The following MKI67 variants were observed in gnomAD, a reference collection of about 807,000 sequenced individuals.
MKI67 encodes marker of proliferation Ki-67.
A neutral mutation model predicts 233.5 loss-of-function variants in MKI67; 152 were observed. The observed-to-expected ratio is 0.65, with a 90% confidence interval of 0.57 to 0.74. The LOEUF (loss-of-function observed/expected upper bound fraction) is 0.74. Ranked by LOEUF, MKI67 falls within the 30% of genes least tolerant of loss-of-function variation. MKI67 has a pLI of 0.00. For missense variants in MKI67, 3,940 were observed against 3,885.2 expected, an observed-to-expected ratio of 1.01 and a Z score of -0.37; for synonymous variants, 1,465 against 1,418.5, an observed-to-expected ratio of 1.03 and a Z score of -0.74.
Position 128,105,237 on chromosome 10 carries a change from G to C in MKI67, c.6603C>G (p.Phe2201Leu), listed in dbSNP as rs765712515. Reference sequence around the variant, plus strand: ...GCTTGTCAGTGCATATTGGTGTCTGGAAGAGCTCTTTCAAGCCAGCCAAGT... The same window carrying C: ...GCTTGTCAGTGCATATTGGTGTCTGCAAGAGCTCTTTCAAGCCAGCCAAGT... ...LEDLAGLKEL[F>L]QTPICTDKPT... Residue 2201 changes from phenylalanine to leucine, a missense_variant, in exon 13 of 15, where the codon TTC becomes TTG. Physicochemically the swap from Phe to Leu is conservative, Grantham distance 22. Transcript: ENST00000368654. The C allele has an allele frequency of 9.9e-6, 16 of 1,613,974 alleles. No homozygotes were observed. In the South Asian group the frequency reaches 1.6e-4, roughly 17 times the overall value.
rs760044635 is a variant in MKI67, at chr10:128,106,030, C to T, written c.5810G>A (p.Ser1937Asn). The change falls in exon 13 of 15, where the codon AGC becomes AAC. Residue 1937 changes from serine (S) to asparagine (N), a missense_variant. Transcript: ENST00000368654. ...TTTAGGAGTTTGTGGCCGTCTCTTG[C>T]TGCCAGGTAAATTTCCTAGCAGGTC... ...KLDLLGNLPGSKRRPQTPKEK... is the reference protein window; with the variant it reads ...KLDLLGNLPGNKRRPQTPKEK... The T allele has an allele frequency of 1.4e-4, 226 of 1,614,162 alleles. No homozygotes were observed. Among genetic ancestry groups the T allele is most frequent in the South Asian group, 3.4e-4 (31 of 91,082 alleles).
In MKI67 at chr10:128,110,700, T is replaced by G. The variant is rs568709791; in HGVS notation, c.2261-167A>C. Among the ~76,000 whole-genome samples, 10 of 152,364 alleles carry G rather than the reference T, an allele frequency of 6.6e-5. No homozygotes were observed. In the South Asian group the frequency reaches 1.2e-3, roughly 19 times the overall value. On this transcript the variant is annotated intron_variant, in intron 11 of 14. Transcript: ENST00000368654. ...AAGAGTGATTCCATTAATAATGTACTCATTTTGTAAAAAAGAGAGCACAGA... is the reference window on the plus strand; with the variant it reads ...AAGAGTGATTCCATTAATAATGTACGCATTTTGTAAAAAAGAGAGCACAGA...
At chr10:128,120,510 A>T (rs1033338528) in intron 4 of MKI67, among the ~76,000 whole-genome samples, 3 of 152,102 alleles carry the variant, frequency 2.0e-5, no homozygotes, top group African/African-American at 7.2e-5. Context: ...ACAAACAAAC[A>T]AACAAAAAGA....
chr10:128,119,298 C>A lies in MKI67; in HGVS notation c.309G>T (p.Gln103His). The A allele has an allele frequency of 1.2e-6, 2 of 1,606,468 alleles. No homozygotes were observed. Among genetic ancestry groups the A allele is most frequent in the Non-Finnish European group, 1.7e-6 (2 of 1,173,440 alleles). The change falls in exon 5 of 15, where the codon CAG becomes CAT. Residue 103 changes from glutamine to histidine, a missense_variant. Physicochemically the swap from Gln to His is conservative, Grantham distance 24. Coordinates refer to ENST00000368654, the MANE Select transcript of MKI67 (RefSeq NM_002417.5). ...RSFRYENESLQNGRKSTEFPR... is the reference protein window; with the variant it reads ...RSFRYENESLHNGRKSTEFPR... ...GAAATTCAGTTGACTTCCTTCCATT[C>A]TGAAGACTTTCATTTTCATACCTGC...
At position 128,125,304 on chromosome 10, in the gene MKI67, G is replaced by T. The variant is rs914269145; in HGVS notation, c.92+272C>A. ...CTGCCTGCAGCCAGTGACATATGAA[G>T]ATCATCTACATCTTTCTTTACCGCA... is the stretch of plus-strand genomic sequence containing the variant. On this transcript the variant is annotated intron_variant, in intron 2 of 14. Transcript: ENST00000368654. This position sits in a 1 kb window ranked among gnomAD's most constrained non-coding sequence, Gnocchi z 5.3. 6.6e-6 allele frequency among the ~76,000 whole-genome samples: 1 copy of T among 152,142 alleles called. No homozygotes were observed. Among genetic ancestry groups the T allele is most frequent in the Non-Finnish European group, 1.5e-5 (1 of 68,022 alleles).
Position 128,114,973 on chromosome 10 carries a change from G to A in MKI67, c.1435C>T (p.Pro479Ser), listed in dbSNP as rs774429989. 1.1e-5 allele frequency: 18 copies of A among 1,590,434 alleles called. No individual in the cohort carries two copies. The South Asian group carries it at 2.0e-4, about 18-fold the overall frequency. Residue 479 changes from proline (P) to serine (S), a missense_variant, in exon 7 of 15, where the codon CCT becomes TCT. Coordinates refer to ENST00000368654, the MANE Select transcript of MKI67 (RefSeq NM_002417.5). The part of the protein sequence containing the change: ...TTAGQMCSGL[P>S]GLSSVDINNF... Reference sequence around the variant, plus strand: ...TTGATATCAACTGAACTAAGACCAGGTAACCCAGAGCACATCTGTCCAGCT... The same window carrying A: ...TTGATATCAACTGAACTAAGACCAGATAACCCAGAGCACATCTGTCCAGCT...
In MKI67 at chr10:128,112,373, C is replaced by T. The variant is rs1167658826; in HGVS notation, c.1729G>A (p.Val577Ile). The part of the protein sequence containing the change: ...IHVEVKAQSL[V>I]ISPPAPSPRK... ...GGACTAGGAGCTGGAGGGCTTATAA[C>T]CAAGCTTTGTGCCTTCACTTCCACA... The change falls in exon 9 of 15, where the codon GTT (valine) becomes ATT (isoleucine). Residue 577 changes from valine to isoleucine, a missense_variant. Val to Ile is a conservative substitution (Grantham distance 29). Transcript: ENST00000368654. 1 of 1,614,182 alleles carries T rather than the reference C, an allele frequency of 6.2e-7. No individual in the cohort carries two copies. Among genetic ancestry groups the T allele is most frequent in the South Asian group, 1.1e-5 (1 of 91,090 alleles).
intron 14 of MKI67, among the ~76,000 whole-genome samples, chr10:128,100,055 TG>T (rs1852303449): frequency 6.6e-6 from 1 of 152,232 alleles, no homozygotes; most frequent in South Asian, 2.1e-4. Context: ...TGCGTTTTAT[TG>T]TAAGACTCGA....
chr10:128,124,374 T>G (rs756124347), intron 2 of MKI67, among the ~76,000 whole-genome samples: 1 of 152,202 alleles, frequency 6.6e-6, no homozygotes, highest in Non-Finnish European at 1.5e-5. Flanking sequence ...TTCTGTATTG[T>G]GGGGGCTGCC....
intron 4 of MKI67, among the ~76,000 whole-genome samples, chr10:128,122,644 G>T (rs973760890): frequency 6.6e-6 from 1 of 152,100 alleles, no homozygotes; most frequent in Non-Finnish European, 1.5e-5. Flanking sequence ...TTAGGACAAG[G>T]TCAACCTCCC....
rs1424623224 is a variant in MKI67, at chr10:128,105,391, G to A, written c.6449C>T (p.Pro2150Leu). The change falls in exon 13 of 15, where the codon CCA (proline) becomes CTA (leucine). Residue 2150 changes from proline to leucine, a missense_variant. Transcript: ENST00000368654. ...LTQTTHTDKV[P>L]GDEDKGINVF... is the part of the protein sequence containing the mutation. Reference sequence around the variant, plus strand: ...GTTGATGCCTTTATCCTCATCTCCTGGTACTTTGTCTGTGTGTGTGGTCTG... The same window carrying A: ...GTTGATGCCTTTATCCTCATCTCCTAGTACTTTGTCTGTGTGTGTGGTCTG... 1.2e-6 allele frequency: 2 copies of A among 1,614,124 alleles called. No individual in the cohort carries two copies. The highest frequency in any genetic ancestry group is 2.2e-5 in the South Asian group (2 of 91,086).
In MKI67 at chr10:128,105,898, C is replaced by T; in HGVS notation, c.5942G>A (p.Cys1981Tyr). 1 of 1,613,838 alleles carries T rather than the reference C, an allele frequency of 6.2e-7. No homozygotes were observed. The highest frequency in any genetic ancestry group is 2.2e-5 in the East Asian group (1 of 44,850). Residue 1981 changes from cysteine to tyrosine, a missense_variant, in exon 13 of 15, where the codon TGC (cysteine) becomes TAC (tyrosine). Transcript: ENST00000368654. Reference sequence around the variant, plus strand: ...GACTGGGTCTGGTTGTGGAGATTTGCAGGATACTTCTGTGATTTTGTCATC... The same window carrying T: ...GACTGGGTCTGGTTGTGGAGATTTGTAGGATACTTCTGTGATTTTGTCATC... ...MTDDKITEVS[C>Y]KSPQPDPVKT...
Position 128,125,493 on chromosome 10 carries a change from A to G in MKI67, c.92+83T>C. On this transcript the variant is annotated intron_variant, in intron 2 of 14. Coordinates refer to ENST00000368654, the MANE Select transcript of MKI67 (RefSeq NM_002417.5). This position sits in a 1 kb window ranked among gnomAD's most constrained non-coding sequence, Gnocchi z 5.3. ...AAGTGACGGCAGGACCCAATCCTAG[A>G]GCGCGTTTCTGGACTTTATTCTGTG... The G allele has an allele frequency of 9.4e-7, 1 of 1,062,292 alleles. No individual in the cohort carries two copies. The allele number at this position is 1,062,292 out of a possible 1,614,324, so 65.8% of individuals were successfully genotyped here. A position where few individuals can be genotyped will look rare whatever the true frequency, so the allele number is the denominator to read the frequency against.
Position 128,106,486 on chromosome 10 carries a change from G to T in MKI67, c.5354C>A (p.Pro1785His). 1 of 1,613,728 alleles carries T rather than the reference G, an allele frequency of 6.2e-7. No individual in the cohort carries two copies. Among genetic ancestry groups the T allele is most frequent in the Admixed American group, 1.7e-5 (1 of 59,964 alleles). ...TPSAGKAMHT[P>H]KPAVGEEKDI... ...TTTCTCTTCACCTACTGCTGGTTTG[G>T]GTGTGTGCATGGCTTTGCCTGCTGA... is the stretch of plus-strand genomic sequence containing the variant. Residue 1785 changes from proline (P) to histidine (H), a missense_variant, in exon 13 of 15, where the codon CCC becomes CAC. Pro to His is a moderately conservative substitution (Grantham distance 77). Transcript: ENST00000368654.
At chr10:128,113,207 T>TC (rs11397624) in intron 8 of MKI67, among the ~76,000 whole-genome samples, 35,918 of 152,012 alleles carry the variant, frequency 0.24, 4,433 homozygotes, top group Admixed American at 0.29. Flanking sequence ...CATCAAGGAC[T>TC]CCCCCGACTC....
At position 128,102,650 on chromosome 10, in the gene MKI67, C is replaced by A; in HGVS notation, c.9190G>T (p.Glu3064Ter). The A allele has an allele frequency of 1.2e-6, 2 of 1,614,222 alleles. No homozygotes were observed. Among genetic ancestry groups the A allele is most frequent in the Non-Finnish European group, 1.7e-6 (2 of 1,180,032 alleles). The change falls in exon 13 of 15, where the codon GAG becomes TAG. Residue 3064 changes from glutamate to a stop codon, truncating the protein, a stop_gained. Coordinates refer to ENST00000368654, the MANE Select transcript of MKI67 (RefSeq NM_002417.5). LOFTEE classifies it high-confidence loss of function. Reference sequence around the variant, plus strand: ...GTTTTCATGTCGTTGCTGTTCAGCTCTTCCGCAGGTTCAATTCTTTTTGCA... The same window carrying A: ...GTTTTCATGTCGTTGCTGTTCAGCTATTCCGCAGGTTCAATTCTTTTTGCA... Reference protein sequence around the residue: ...TSAKRIEPAEELNSNDMKTNK... With the variant: ...TSAKRIEPAE
intron 5 of MKI67, among the ~76,000 whole-genome samples, chr10:128,118,349 T>G (rs1224290144): frequency 7.1e-6 from 1 of 139,996 alleles, no homozygotes; most frequent in Non-Finnish European, 1.5e-5. Flanking sequence ...TGAGCCAAGA[T>G]CGCACCACTG....
chr10:128,109,045 T>C lies in MKI67; in HGVS notation c.2795A>G (p.Tyr932Cys), dbSNP rs902002066. ...MKEIERPFET[Y>C]KENIELKEND... is the part of the protein sequence containing the mutation. ...TTCTTTTAATTCAATATTTTCCTTA[T>C]ATGTCTCAAAAGGTCTTTCTATTTC... The change falls in exon 13 of 15, where the codon TAT becomes TGT. Residue 932 changes from tyrosine (Y) to cysteine (C), a missense_variant. Coordinates refer to ENST00000368654, the MANE Select transcript of MKI67 (RefSeq NM_002417.5). The C allele has an allele frequency of 1.9e-6, 3 of 1,614,212 alleles. No homozygotes were observed. Among genetic ancestry groups the C allele is most frequent in the South Asian group, 1.1e-5 (1 of 91,088 alleles).
At chr10:128,116,846 G>A (rs1333761415) in intron 5 of MKI67, among the ~76,000 whole-genome samples, 1 of 152,208 alleles carries the variant, frequency 6.6e-6, no homozygotes, top group Non-Finnish European at 1.5e-5. Flanking sequence ...GGCAGAGGTT[G>A]CAGTGAGCAG....
Sources: allele counts gnomAD v4.1 joint callset (sites outside exome capture counted in the v4.1 genomes callset), GRCh38; gene constraint gnomAD v4.1.1; non-coding constraint Gnocchi (gnomAD v3.1); transcripts MANE v1.5; gene names NCBI Gene and HGNC (gene_info 2026-07-23, HGNC 2026-07-21).